Variants in AAR2 observed in about 807,000 individuals in gnomAD.
AAR2 encodes protein AAR2 homolog.
AAR2 carries 31 observed loss-of-function variants against 26.9 expected under a neutral mutation model. That is an observed-to-expected ratio of 1.15 (90% CI 0.86 to 1.55). The LOEUF (loss-of-function observed/expected upper bound fraction) is 1.55. Among genes scored for constraint, AAR2 ranks in the 40% most tolerant of loss-of-function variants. The pLI, the probability that AAR2 is intolerant of heterozygous loss-of-function variation, is 0.00. For synonymous variants in AAR2, 188 were observed against 196.1 expected, an observed-to-expected ratio of 0.96 and a Z score of 0.34; for missense variants, 430 against 491.3, an observed-to-expected ratio of 0.88 and a Z score of 1.18.
chr20:36,255,807 C>A lies in AAR2; in HGVS notation c.*62C>A. On this transcript the variant is annotated 3_prime_UTR_variant, in exon 4 of 4. Transcript: ENST00000320849. The stretch of plus-strand genomic sequence containing the variant: ...CACAGGGCTGCAGTCCTGGCCTCTC[C>A]ATTTACTTCTTCCCATCCTGGGACC... 1 of 1,580,028 alleles carries A rather than the reference C, an allele frequency of 6.3e-7. No homozygotes were observed. The highest frequency in any genetic ancestry group is 2.3e-5 in the East Asian group (1 of 44,284).
chr20:36,240,045 C>G lies in AAR2; in HGVS notation c.177C>G (p.His59Gln). Reference protein sequence around the residue: ...KMIPPGIHFLHYSSVDKANPK... With the variant: ...KMIPPGIHFLQYSSVDKANPK... The stretch of plus-strand genomic sequence containing the variant: ...TCCCTCCAGGCATCCACTTCCTCCA[C>G]TACAGCTCTGTGGACAAGGCTAATC... The change falls in exon 2 of 4, where the codon CAC (histidine) becomes CAG (glutamine). Residue 59 changes from histidine to glutamine, a missense_variant. Physicochemically the swap from His to Gln is conservative, Grantham distance 24. Coordinates refer to ENST00000320849, the MANE Select transcript of AAR2 (RefSeq NM_001271874.2). 1 of 1,614,246 alleles carries G rather than the reference C, an allele frequency of 6.2e-7. No homozygotes were observed.
At position 36,240,448 on chromosome 20, in the gene AAR2, C is replaced by T. The variant is rs368104861; in HGVS notation, c.580C>T (p.Arg194Trp). 50 of 1,614,084 alleles carry T rather than the reference C, an allele frequency of 3.1e-5. 1 individual carries two copies. In the East Asian group the frequency reaches 3.6e-4, roughly 12 times the overall value. Residue 194 changes from arginine to tryptophan, a missense_variant, in exon 2 of 4, where the codon CGG becomes TGG. Coordinates refer to ENST00000320849, the MANE Select transcript of AAR2 (RefSeq NM_001271874.2). ...ECKSYQEGLA[R>W]LPEMKPRAGT... ...CAAAAGCTACCAAGAGGGCCTGGCC[C>T]GGCTACCAGAGATGAAGCCCAGAGC...
chr20:36,245,545 C>T (rs1343898845), intron 3 of AAR2, among the ~76,000 whole-genome samples: 1 of 152,214 alleles, frequency 6.6e-6, no homozygotes, highest in Non-Finnish European at 1.5e-5. Context: ...CTGTCACTCA[C>T]ATTGTGTAAC....
chr20:36,248,337 CTTT>C (rs1395708568), intron 3 of AAR2, among the ~76,000 whole-genome samples: 2 of 139,660 alleles, frequency 1.4e-5, no homozygotes, highest in Non-Finnish European at 1.6e-5. Flanking sequence ...TCTTCTTCTT[CTTT>C]TTTTTTTTTT....
chr20:36,241,138 C>A (rs935546430), intron 2 of AAR2, among the ~76,000 whole-genome samples: 3 of 152,006 alleles, frequency 2.0e-5, no homozygotes, highest in Non-Finnish European at 4.4e-5. Context: ...AGATAATAAT[C>A]ATAAAAGAAA....
rs2064716389 is a variant in AAR2 at position 36,244,706 on chromosome 20, A to T, written c.767A>T (p.Gln256Leu). The T allele has an allele frequency of 6.2e-7, 1 of 1,613,922 alleles. No individual in the cohort carries two copies. The highest frequency in any genetic ancestry group is 1.3e-5 in the African/African-American group (1 of 74,880). ...TCTCTGCACCTTTCAGGTGAACTCC[A>T]GTTTGCTTTTGTGTGCTTCCTGCTG... ...SSPQDVLGEL[Q>L]FAFVCFLLGN... The change falls in exon 3 of 4, where the codon CAG becomes CTG. Residue 256 changes from glutamine to leucine, a missense_variant. Transcript: ENST00000320849.
At position 36,255,914 on chromosome 20, in the gene AAR2, C is replaced by A; in HGVS notation, c.*169C>A. 2 of 940,748 alleles carry A rather than the reference C, an allele frequency of 2.1e-6. No homozygotes were observed. The highest frequency in any genetic ancestry group is 3.1e-6 in the Non-Finnish European group (2 of 650,782). The allele number at this position is 940,748 out of a possible 1,614,324, so 58.3% of individuals were successfully genotyped here. A position where few individuals can be genotyped will look rare whatever the true frequency, so the allele number is the denominator to read the frequency against. On this transcript the variant is annotated 3_prime_UTR_variant, in exon 4 of 4. Transcript: ENST00000320849. The stretch of plus-strand genomic sequence containing the variant: ...CACTGATAAATATATTTCTTCATTG[C>A]CAAAGAGGCTGTACCCATCCTGAAG...
At chr20:36,253,075 T>G (rs985237397) in intron 3 of AAR2, among the ~76,000 whole-genome samples, 2 of 88,828 alleles carry the variant, frequency 2.3e-5, no homozygotes, top group African/African-American at 4.3e-5. Flanking sequence ...ACCGCCCCCC[T>G]TCCCCCCCAT....
intron 3 of AAR2, among the ~76,000 whole-genome samples, chr20:36,246,453 G>C (rs1474724812): frequency 6.6e-6 from 1 of 152,196 alleles, no homozygotes; most frequent in Non-Finnish European, 1.5e-5. Context: ...TCCTTTTACT[G>C]GTTCTTCATA....
At chr20:36,251,060 G>A (rs557600058) in intron 3 of AAR2, among the ~76,000 whole-genome samples, 1 of 152,056 alleles carries the variant, frequency 6.6e-6, no homozygotes. Context: ...AGCTAGGCAT[G>A]GTGGCATGTA....
chr20:36,236,985 T>G (rs975698425), intron 1 of AAR2, among the ~76,000 whole-genome samples: 4 of 152,208 alleles, frequency 2.6e-5, no homozygotes, highest in African/African-American at 9.7e-5. Flanking sequence ...CACCCCAGAT[T>G]ATATCACAGG....
At chr20:36,247,044 A>T (rs989913265) in intron 3 of AAR2, among the ~76,000 whole-genome samples, 9 of 152,210 alleles carry the variant, frequency 5.9e-5, no homozygotes, top group Non-Finnish European at 1.0e-4. Flanking sequence ...TCTGTTCTAG[A>T]ACTGGGAATA....
intron 3 of AAR2, among the ~76,000 whole-genome samples, chr20:36,253,992 G>T (rs762647506): frequency 6.6e-6 from 1 of 152,210 alleles, no homozygotes; most frequent in Admixed American, 6.5e-5. Flanking sequence ...TGCATTGCTG[G>T]TGGGAATATA....
intron 3 of AAR2, among the ~76,000 whole-genome samples, chr20:36,246,303 A>G (rs557450402): frequency 2.2e-4 from 34 of 152,304 alleles, no homozygotes; most frequent in Non-Finnish European, 4.7e-4. Context: ...TCTAAAGCCA[A>G]CCTACTGTTG....
At chr20:36,241,845 A>G (rs2064683482) in intron 2 of AAR2, among the ~76,000 whole-genome samples, 1 of 152,118 alleles carries the variant, frequency 6.6e-6, no homozygotes, top group Admixed American at 6.5e-5. Context: ...TTAGGGATAG[A>G]ATTGCTGGGT....
chr20:36,249,450 A>G (rs2064764484), intron 3 of AAR2, among the ~76,000 whole-genome samples: 1 of 152,228 alleles, frequency 6.6e-6, no homozygotes, highest in Admixed American at 6.5e-5. Context: ...TAGTCATCTA[A>G]CCTGTTTTTA....
intron 2 of AAR2, 78 bp downstream of exon 2, chr20:36,240,703 CT>C: frequency 6.7e-7 from 1 of 1,500,940 alleles, no homozygotes; most frequent in Non-Finnish European, 8.9e-7. Context: ...GGGAGTACAT[CT>C]TGTGTTAGTC....
At chr20:36,252,953 C>T (rs1204128566) in intron 3 of AAR2, among the ~76,000 whole-genome samples, 5 of 152,054 alleles carry the variant, frequency 3.3e-5, no homozygotes, top group Non-Finnish European at 7.4e-5. Context: ...ATGGCCCTCG[C>T]CACCAAGATC....
chr20:36,239,798 A>C, intron 1 of AAR2, 23 bp from the exon 2 acceptor site: 1 of 1,500,100 alleles, frequency 6.7e-7, no homozygotes, highest in South Asian at 1.4e-5. Context: ...GTTCTGATTA[A>C]CTCTGGTTTC....
Sources: allele counts gnomAD v4.1 joint callset (sites outside exome capture counted in the v4.1 genomes callset), GRCh38; gene constraint gnomAD v4.1.1; transcripts MANE v1.5; gene names NCBI Gene and HGNC (gene_info 2026-07-23, HGNC 2026-07-21).